The following DNAJC13 variants were observed in gnomAD, a reference collection of about 807,000 sequenced individuals.
DNAJC13 encodes the protein DnaJ heat shock protein family (Hsp40) member C13.
A neutral mutation model predicts 290.5 loss-of-function variants in DNAJC13; 75 were observed. The observed-to-expected ratio is 0.26, with a 90% CI of 0.21 to 0.31. The LOEUF (loss-of-function observed/expected upper bound fraction) is 0.31, where lower values mean the gene tolerates loss of function less well. Ranked by LOEUF, DNAJC13 falls within the 10% of genes least tolerant of loss-of-function variation. The pLI is 1.00. For synonymous variants in DNAJC13, 862 were observed against 892.0 expected (o/e 0.97, Z 0.60); for missense variants, 2,260 against 2,674.5 (o/e 0.85, Z 3.42).
intron 2 of DNAJC13, among the ~76,000 whole-genome samples, chr3:132,442,896 A>C (rs543222513): frequency 1.4e-4 from 22 of 152,354 alleles, no homozygotes; most frequent in Admixed American, 7.2e-4. Context: ...ATGAATTTAA[A>C]AATTGGTGTA....
intron 20 of DNAJC13, among the ~76,000 whole-genome samples, chr3:132,471,643 C>G (rs1170737837): frequency 7.8e-6 from 1 of 127,860 alleles, no homozygotes; most frequent in Admixed American, 7.7e-5. Context: ...ACATCTCAGA[C>G]GATGGGCGGC....
intron 5 of DNAJC13, among the ~76,000 whole-genome samples, chr3:132,450,179 A>G (rs570467039): frequency 4.5e-4 from 69 of 152,210 alleles, no homozygotes; most frequent in African/African-American, 1.5e-3. Flanking sequence ...TGGAAATAAA[A>G]TATACATTAA....
At chr3:132,468,427 T>C (rs1054388773) in intron 20 of DNAJC13, among the ~76,000 whole-genome samples, 4 of 152,168 alleles carry the variant, frequency 2.6e-5, no homozygotes, top group Non-Finnish European at 4.4e-5. Flanking sequence ...CTATCTGAAA[T>C]TGGGATCAAT....
At chr3:132,424,633 A>G (rs1385939619) in intron 1 of DNAJC13, among the ~76,000 whole-genome samples, 1 of 152,134 alleles carries the variant, frequency 6.6e-6, no homozygotes, top group Non-Finnish European at 1.5e-5. Context: ...TGACAGTACA[A>G]TCACTTCACT....
At chr3:132,439,591 G>A (rs1202766729) in intron 2 of DNAJC13, among the ~76,000 whole-genome samples, 3 of 152,098 alleles carry the variant, frequency 2.0e-5, no homozygotes, top group Admixed American at 6.5e-5. Flanking sequence ...ATTGCAAATT[G>A]GATCACATCT....
At chr3:132,463,854 C>T in intron 17 of DNAJC13, 37 bp downstream of exon 17, 1 of 1,592,670 alleles carries the variant, frequency 6.3e-7, no homozygotes, top group Non-Finnish European at 8.6e-7. Flanking sequence ...AATTTAACTT[C>T]CTGTCTAGAG....
chr3:132,521,037 A>G (rs1936073851), intron 48 of DNAJC13, among the ~76,000 whole-genome samples: 1 of 152,236 alleles, frequency 6.6e-6, no homozygotes, highest in East Asian at 1.9e-4. Context: ...AAATTTATGT[A>G]GAATGATTAC....
Position 132,453,381 on chromosome 3 carries a change from G to A in DNAJC13, c.621G>A (p.Arg207=). The change falls in exon 7 of 56, where the codon CGG becomes CGA. Residue 207 remains arginine, a synonymous_variant. Coordinates refer to ENST00000260818, the MANE Select transcript of DNAJC13 (RefSeq NM_015268.4). ...GTAACTACATAGGTATTTCATTGCG[G>A]ATCAGGAAAGAGCCTTTAGAATTCG... is the stretch of plus-strand genomic sequence containing the variant. The part of the protein sequence containing the change: ...HAGNYIGISL[R]IRKEPLEFEQ... 2 of 1,613,894 alleles carry A rather than the reference G, an allele frequency of 1.2e-6. No individual in the cohort carries two copies. The highest frequency in any genetic ancestry group is 1.7e-6 in the Non-Finnish European group (2 of 1,179,920).
At chr3:132,498,872 C>T (rs550128296) in intron 36 of DNAJC13, among the ~76,000 whole-genome samples, 19 of 152,112 alleles carry the variant, frequency 1.2e-4, no homozygotes, top group African/African-American at 4.6e-4. Context: ...CCTGCCACCA[C>T]ACCCGGCTAA....
rs1228769525 is a variant in DNAJC13, at chr3:132,454,148, C to T, written c.923C>T (p.Ser308Leu). Reference sequence around the variant, plus strand: ...AAAGGGCAAGTACGGAAATATTCTTCAACAGAGAGGTATTTTTTTTTTTTT... The same window carrying T: ...AAAGGGCAAGTACGGAAATATTCTTTAACAGAGAGGTATTTTTTTTTTTTT... ...FIKGQVRKYS[S>L]TERDSLLASL... Residue 308 changes from serine to leucine, a missense_variant, in exon 9 of 56, where the codon TCA (serine) becomes TTA (leucine). Ser to Leu is a moderately radical substitution (Grantham distance 145, BLOSUM62 -2). This residue lies in a region of DNAJC13 where 762 missense variants were observed against 964.1 expected (regional missense o/e 0.79). Transcript: ENST00000260818. 6.3e-7 allele frequency: 1 copy of T among 1,590,300 alleles called. No homozygotes were observed. The highest frequency in any genetic ancestry group is 8.5e-7 in the Non-Finnish European group (1 of 1,170,764).
chr3:132,460,945 T>G, intron 14 of DNAJC13, 105 bp from the exon 15 acceptor site: 1 of 1,087,698 alleles, frequency 9.2e-7, no homozygotes, highest in Non-Finnish European at 1.3e-6. Flanking sequence ...AAGTCAATGT[T>G]GATGTCTGAC....
chr3:132,489,297 T>G (rs1297271689), intron 31 of DNAJC13, among the ~76,000 whole-genome samples: 1 of 152,166 alleles, frequency 6.6e-6, no homozygotes. Flanking sequence ...TTGTTCTCTT[T>G]GTATAAAGTT....
intron 1 of DNAJC13, among the ~76,000 whole-genome samples, chr3:132,418,506 T>A (rs1007594155): frequency 6.6e-6 from 1 of 152,212 alleles, no homozygotes; most frequent in East Asian, 1.9e-4. Flanking sequence ...TAAGATTGTT[T>A]CCTGTGTCCG....
At chr3:132,441,617 G>A (rs974872621) in intron 2 of DNAJC13, among the ~76,000 whole-genome samples, 4 of 152,086 alleles carry the variant, frequency 2.6e-5, no homozygotes, top group East Asian at 3.8e-4. Flanking sequence ...TATAGTAAAC[G>A]TAAACTTTCT....
intron 33 of DNAJC13, 143 bp downstream of exon 33, chr3:132,492,758 A>G (rs1935104157): frequency 2.9e-6 from 2 of 679,612 alleles, no homozygotes; most frequent in African/African-American, 1.8e-5. Context: ...TGTGACTCTG[A>G]GTATAGTTTA....
chr3:132,492,998 C>T (rs996488252), intron 33 of DNAJC13, among the ~76,000 whole-genome samples: 2 of 151,914 alleles, frequency 1.3e-5, no homozygotes, highest in African/African-American at 4.8e-5. Context: ...TTCAGCTGGG[C>T]CATTAATATT....
intron 2 of DNAJC13, among the ~76,000 whole-genome samples, chr3:132,445,095 A>G (rs1310496079): frequency 6.6e-6 from 1 of 152,182 alleles, no homozygotes; most frequent in African/African-American, 2.4e-5. Flanking sequence ...CTTGATCTTA[A>G]TGGGAATACT....
chr3:132,512,883 C>T, intron 44 of DNAJC13, 125 bp from the exon 45 acceptor site: 3 of 766,548 alleles, frequency 3.9e-6, no homozygotes, highest in Non-Finnish European at 6.5e-6. Flanking sequence ...CTTCATGTCA[C>T]AGATGTTTAG....
At chr3:132,523,818 A>G (rs557407036) in intron 51 of DNAJC13, 105 bp downstream of exon 51, 2 of 1,153,702 alleles carry the variant, frequency 1.7e-6, no homozygotes, top group East Asian at 2.5e-5. Flanking sequence ...GGAATTGGCC[A>G]GCTCTTTCAA....
Sources: gnomAD v4.1 joint callset for allele counts (sites outside exome capture counted in the v4.1 genomes callset) on GRCh38, gnomAD v4.1.1 for gene constraint, gnomAD v4.1.1 regional missense constraint, MANE v1.5 for transcripts, NCBI Gene and HGNC (gene_info 2026-07-23, HGNC 2026-07-21) for gene names.